The following PALM2AKAP2 variants were observed in gnomAD, a reference collection of about 807,000 sequenced individuals.
PALM2AKAP2 encodes the protein PALM2-AKAP2 fusion protein.
Under a neutral mutation model 71.5 loss-of-function variants are expected in PALM2AKAP2, and 37 were observed. The observed-to-expected ratio is 0.52, with a 90% CI of 0.40 to 0.68. The LOEUF is 0.68. Among genes scored for constraint, PALM2AKAP2 ranks in the 30% least tolerant of loss-of-function variants. The pLI is 0.00. For missense variants in PALM2AKAP2, 1,224 were observed against 1,191.8 expected (o/e 1.03, Z -0.40); for synonymous variants, 468 against 478.8 (o/e 0.98, Z 0.29).
chr9:109,800,582 C>T (rs1230440197), intron 1 of PALM2AKAP2, among the ~76,000 whole-genome samples: 1 of 149,498 alleles, frequency 6.7e-6, no homozygotes, highest in Non-Finnish European at 1.5e-5. Flanking sequence ...TCTTGCTCAG[C>T]TCAGATTTGA....
chr9:109,670,908 G>A (rs769490406), intron 1 of PALM2AKAP2, among the ~76,000 whole-genome samples: 45 of 152,082 alleles, frequency 3.0e-4, no homozygotes, highest in Admixed American at 3.3e-4. Flanking sequence ...TTGGCCACAT[G>A]TATGTCTTCT....
At chr9:109,675,239 T>G (rs1587863154) in intron 1 of PALM2AKAP2, among the ~76,000 whole-genome samples, 1 of 152,130 alleles carries the variant, frequency 6.6e-6, no homozygotes, top group East Asian at 1.9e-4. Context: ...AAACTTATCA[T>G]GTTCAAATTT....
chr9:110,058,897 G>GTTTT (rs1833901361), intron 1 of PALM2AKAP2, among the ~76,000 whole-genome samples: 10 of 113,452 alleles, frequency 8.8e-5, no homozygotes, highest in African/African-American at 3.4e-4. Context: ...AAAGTTTTTT[G>GTTTT]GTTTTTTTTT....
chr9:109,923,279 C>G (rs1175271780), intron 3 of PALM2AKAP2, among the ~76,000 whole-genome samples: 1 of 152,174 alleles, frequency 6.6e-6, no homozygotes, highest in Non-Finnish European at 1.5e-5. Context: ...GGGTACTGGC[C>G]ACCAGCTATT....
At chr9:110,048,683 G>A (rs1428100144), upstream of PALM2AKAP2, 5 of 1,528,238 alleles carry the variant, frequency 3.3e-6, no homozygotes, top group East Asian at 1.0e-4. Flanking sequence ...GCGCCCGGAG[G>A]CTACCACTCC....
chr9:110,136,902 G>A, exon 2 of PALM2AKAP2: 2 of 1,614,188 alleles, frequency 1.2e-6, no homozygotes, highest in Non-Finnish European at 1.7e-6. Context: ...GAAAAGGAGA[G>A]GAGAGAGCTC....
intron 7 of PALM2AKAP2, among the ~76,000 whole-genome samples, chr9:110,024,218 A>G (rs1172042713): frequency 6.6e-6 from 1 of 152,206 alleles, no homozygotes; most frequent in Non-Finnish European, 1.5e-5. Flanking sequence ...GAACACACAC[A>G]GTTTTAAATA....
At chr9:109,641,440 A>G (rs1827067930) in intron 1 of PALM2AKAP2, among the ~76,000 whole-genome samples, 1 of 152,248 alleles carries the variant, frequency 6.6e-6, no homozygotes, top group African/African-American at 2.4e-5. Context: ...TATTGGCGGC[A>G]GCCCGGAGTG....
intron 1 of PALM2AKAP2, among the ~76,000 whole-genome samples, chr9:109,684,245 A>G (rs1827777403): frequency 6.6e-6 from 1 of 152,120 alleles, no homozygotes; most frequent in African/African-American, 2.4e-5. Context: ...CTTGGCCCTG[A>G]TGAACCCTCC....
chr9:109,941,772 T>A (rs1588023513), intron 6 of PALM2AKAP2, among the ~76,000 whole-genome samples: 1 of 151,054 alleles, frequency 6.6e-6, no homozygotes, highest in African/African-American at 2.4e-5. Flanking sequence ...GCAGCAAGAG[T>A]TGGGATGAAT....
intron 1 of PALM2AKAP2, among the ~76,000 whole-genome samples, chr9:110,100,741 C>G (rs1185114237): frequency 6.6e-6 from 1 of 152,150 alleles, no homozygotes; most frequent in East Asian, 1.9e-4. Flanking sequence ...TTGTAGAGAT[C>G]CTTCTGGATA....
At chr9:109,973,220 A>C (rs1465996662) in intron 6 of PALM2AKAP2, among the ~76,000 whole-genome samples, 4 of 152,256 alleles carry the variant, frequency 2.6e-5, no homozygotes, top group Admixed American at 2.6e-4. Flanking sequence ...TTGATCTGGT[A>C]GAAACTTCAG....
intron 1 of PALM2AKAP2, 97 bp from the exon 8 acceptor site, chr9:110,136,030 C>A: frequency 4.2e-6 from 6 of 1,422,150 alleles, no homozygotes; most frequent in Admixed American, 5.1e-5. Flanking sequence ...CTGTGGTTTC[C>A]ATTTTCCTTC....
At chr9:109,932,189 C>G (rs763005774) in intron 6 of PALM2AKAP2, among the ~76,000 whole-genome samples, 161 bp downstream of exon 6, 1 of 152,224 alleles carries the variant, frequency 6.6e-6, no homozygotes, top group African/African-American at 2.4e-5. Flanking sequence ...AGGCAGGCAC[C>G]GGCCCCAGAT....
chr9:109,939,626 T>G (rs926152764), intron 6 of PALM2AKAP2, among the ~76,000 whole-genome samples: 1 of 152,228 alleles, frequency 6.6e-6, no homozygotes, highest in African/African-American at 2.4e-5. Flanking sequence ...TATATTCTAA[T>G]CCCAAACTGC....
chr9:109,971,960 T>G (rs1832077707), intron 6 of PALM2AKAP2, among the ~76,000 whole-genome samples: 2 of 152,284 alleles, frequency 1.3e-5, no homozygotes, highest in South Asian at 4.1e-4. Context: ...TGCTGCCTAC[T>G]CTCTGAAGCT....
intron 1 of PALM2AKAP2, among the ~76,000 whole-genome samples, chr9:109,725,494 T>C (rs1451870785): frequency 6.6e-6 from 1 of 152,192 alleles, no homozygotes; most frequent in Non-Finnish European, 1.5e-5. Context: ...GCAATTCTTT[T>C]TCTAGGAATT....
chr9:109,812,105 TA>T (rs753496053), intron 1 of PALM2AKAP2, among the ~76,000 whole-genome samples: 132 of 152,328 alleles, frequency 8.7e-4, no homozygotes, highest in Admixed American at 1.6e-3. Context: ...TTTCTGGTCA[TA>T]GGGGCAGAAA....
At chr9:109,992,601 T>C (rs894985627) in intron 6 of PALM2AKAP2, among the ~76,000 whole-genome samples, 6 of 152,130 alleles carry the variant, frequency 3.9e-5, no homozygotes, top group African/African-American at 1.4e-4. Flanking sequence ...GTATTCAAAG[T>C]ATCTTTTTGA....
Sources: gnomAD v4.1 joint callset for allele counts (sites outside exome capture counted in the v4.1 genomes callset) on GRCh38, gnomAD v4.1.1 for gene constraint, MANE v1.5 for transcripts, NCBI Gene and HGNC (gene_info 2026-07-23, HGNC 2026-07-21) for gene names.